The following PTGFRN variants were observed in gnomAD, a reference collection of about 807,000 sequenced individuals.
PTGFRN encodes the protein prostaglandin F2 receptor negative regulator.
Under a neutral mutation model 83.2 loss-of-function variants are expected in PTGFRN, and 35 were observed. The ratio of observed to expected loss-of-function variants is 0.42; its 90% CI spans 0.32 to 0.56. PTGFRN has a LOEUF of 0.56. Among genes scored for constraint, PTGFRN ranks in the 20% least tolerant of loss-of-function variants. The pLI is 0.11. For synonymous variants in PTGFRN, 519 were observed against 498.6 expected (o/e 1.04, Z -0.55); for missense variants, 1,051 against 1,179.5 (o/e 0.89, Z 1.60).
Position 116,958,840 on chromosome 1 carries a change from A to G in PTGFRN, c.1214-2403A>G, listed in dbSNP as rs79669524. Among the ~76,000 whole-genome samples the G allele has an allele frequency of 6.6e-6, 1 of 152,292 alleles. No individual in the cohort carries two copies. The highest frequency in any genetic ancestry group is 1.9e-4 in the East Asian group (1 of 5,174). Reference sequence around the variant, plus strand: ...GCCTCACAGTTTGCTGTTCAGGGTTATGGTTCTCCAGTCCCCACACAGTCT... The same window carrying G: ...GCCTCACAGTTTGCTGTTCAGGGTTGTGGTTCTCCAGTCCCCACACAGTCT... On this transcript the variant is annotated intron_variant, in intron 4 of 8. Coordinates refer to ENST00000393203, the MANE Select transcript of PTGFRN (RefSeq NM_020440.4). The surrounding 1 kb of genome is among the most constrained non-coding windows in gnomAD (Gnocchi z 4.9).
intron 3 of PTGFRN, among the ~76,000 whole-genome samples, chr1:116,947,895 T>A (rs1001379800): frequency 6.6e-6 from 1 of 152,188 alleles, no homozygotes; most frequent in Non-Finnish European, 1.5e-5. Context: ...AAATTGAACT[T>A]TTAAATTGCC....
intron 4 of PTGFRN, among the ~76,000 whole-genome samples, chr1:116,953,768 T>G (rs1650407807): frequency 1.3e-5 from 2 of 151,988 alleles, no homozygotes; most frequent in Admixed American, 6.6e-5. Flanking sequence ...CCAGCCCTTT[T>G]CATCCCTCTC....
intron 1 of PTGFRN, among the ~76,000 whole-genome samples, chr1:116,936,724 T>C (rs1429162170): frequency 6.6e-6 from 1 of 152,154 alleles, no homozygotes; most frequent in East Asian, 1.9e-4. Flanking sequence ...GGGAGAACAG[T>C]TGGAGATGAA....
rs555594470 is a variant in PTGFRN at position 116,958,455 on chromosome 1, G to T, written c.1214-2788G>T. Among the ~76,000 whole-genome samples, 8 of 152,148 alleles carry T rather than the reference G, an allele frequency of 5.3e-5. No homozygotes were observed. The highest frequency in any genetic ancestry group is 8.8e-5 in the Non-Finnish European group (6 of 68,036). The stretch of plus-strand genomic sequence containing the variant: ...GAAAGGTGGTAGAAGACAGGGCTCC[G>T]TTCCCATCTGCCACTTTTGAACTGT... On this transcript the variant is annotated intron_variant, in intron 4 of 8. Transcript: ENST00000393203. The surrounding 1 kb of genome is among the most constrained non-coding windows in gnomAD (Gnocchi z 4.9).
At chr1:116,938,222 A>G (rs1194261735) in intron 1 of PTGFRN, among the ~76,000 whole-genome samples, 1 of 152,194 alleles carries the variant, frequency 6.6e-6, no homozygotes, top group East Asian at 1.9e-4. Flanking sequence ...AAGAAACATA[A>G]GTAGGCTGGG....
chr1:116,975,765 G>A (rs1306969473), intron 7 of PTGFRN, among the ~76,000 whole-genome samples: 1 of 152,128 alleles, frequency 6.6e-6, no homozygotes. Flanking sequence ...CAACCACAAA[G>A]ATGGGGAAAA....
intron 1 of PTGFRN, among the ~76,000 whole-genome samples, chr1:116,927,718 T>A (rs2101055407): frequency 6.6e-6 from 1 of 151,848 alleles, no homozygotes; most frequent in African/African-American, 2.4e-5. Context: ...TTTTTTTTTT[T>A]TATAGAGACG....
At chr1:116,910,676 G>T (rs1318052645) in intron 1 of PTGFRN, among the ~76,000 whole-genome samples, 1 of 152,128 alleles carries the variant, frequency 6.6e-6, no homozygotes, top group Non-Finnish European at 1.5e-5. Context: ...CCCCGCCATA[G>T]CCGCCGCCGG....
chr1:116,954,090 T>G (rs1400589300), intron 4 of PTGFRN, among the ~76,000 whole-genome samples: 1 of 152,050 alleles, frequency 6.6e-6, no homozygotes, highest in African/African-American at 2.4e-5. Flanking sequence ...ACTCCTGACT[T>G]CAGGTGATCC....
intron 6 of PTGFRN, among the ~76,000 whole-genome samples, chr1:116,970,193 TCA>T (rs1279790675): frequency 6.6e-6 from 1 of 152,222 alleles, no homozygotes; most frequent in Non-Finnish European, 1.5e-5. Context: ...GGGAAAGCGT[TCA>T]GTCTCATTCA....
chr1:116,961,830 C>T lies in PTGFRN; in HGVS notation c.1639+162C>T, dbSNP rs1034651429. 2.6e-5 allele frequency among the ~76,000 whole-genome samples: 4 copies of T among 152,208 alleles called. No homozygotes were observed. Among genetic ancestry groups the T allele is most frequent in the Non-Finnish European group, 2.9e-5 (2 of 68,028 alleles). On this transcript the variant is annotated intron_variant, in intron 5 of 8. Transcript: ENST00000393203. The surrounding 1 kb of genome is among the most constrained non-coding windows in gnomAD (Gnocchi z 5.4). ...ACCCGTTGCACATGCTCTTTGGACT[C>T]ACTATCACCCCTCCTCTGTCCCCAA...
intron 3 of PTGFRN, 22 bp downstream of exon 3, chr1:116,945,114 A>AT (rs1557738957): frequency 5.7e-6 from 9 of 1,583,496 alleles, no homozygotes; most frequent in Middle Eastern, 1.7e-4. Flanking sequence ...ACGATGCGTT[A>AT]TAGGTGATGT....
At position 116,952,243 on chromosome 1, in the gene PTGFRN, C is replaced by G. The variant is rs764943152; in HGVS notation, c.1213+2671C>G. Among the ~76,000 whole-genome samples the G allele has an allele frequency of 7.9e-5, 12 of 152,050 alleles. No homozygotes were observed. The highest frequency in any genetic ancestry group is 1.8e-4 in the Non-Finnish European group (12 of 68,016). ...GCATAGTCCTAAGAGCTGGGTAGTT[C>G]TTGTCTTCATTTGCTTGGGGCTTGT... On this transcript the variant is annotated intron_variant, in intron 4 of 8. Coordinates refer to ENST00000393203, the MANE Select transcript of PTGFRN (RefSeq NM_020440.4). The surrounding 1 kb of genome is among the most constrained non-coding windows in gnomAD (Gnocchi z 4.0).
chr1:116,932,725 T>C (rs1253229306), intron 1 of PTGFRN, among the ~76,000 whole-genome samples: 1 of 152,212 alleles, frequency 6.6e-6, no homozygotes, highest in African/African-American at 2.4e-5. Context: ...CCATTGCCCA[T>C]GGAGAATATG....
intron 5 of PTGFRN, among the ~76,000 whole-genome samples, chr1:116,966,234 C>G (rs576031307): frequency 3.9e-5 from 6 of 152,366 alleles, no homozygotes; most frequent in African/African-American, 1.4e-4. Flanking sequence ...GAGTAATCCA[C>G]TTAAACCTAA....
rs776376962 is a variant in PTGFRN at position 116,945,058 on chromosome 1, C to G, written c.798C>G (p.Ala266=). 2.1e-5 allele frequency: 34 copies of G among 1,613,238 alleles called. No individual in the cohort carries two copies. The highest frequency in any genetic ancestry group is 2.8e-5 in the Non-Finnish European group (33 of 1,179,774). ...ACTGGCAGGAAATCCAAGAAAAGGC[C>G]GTGGAAGTTGCCACCGTGGTGATCC... ...QGNWQEIQEK[A]VEVATVVIQP... is the part of the protein sequence containing the mutation. The change falls in exon 3 of 9, where the codon GCC becomes GCG. Residue 266 remains alanine, a synonymous_variant. Coordinates refer to ENST00000393203, the MANE Select transcript of PTGFRN (RefSeq NM_020440.4).
intron 7 of PTGFRN, among the ~76,000 whole-genome samples, chr1:116,982,134 T>G (rs954749679): frequency 6.6e-6 from 1 of 152,166 alleles, no homozygotes; most frequent in African/African-American, 2.4e-5. Flanking sequence ...AGGAAAATCC[T>G]TTTCAAAAGT....
intron 1 of PTGFRN, among the ~76,000 whole-genome samples, chr1:116,933,753 A>G (rs1649854763): frequency 6.6e-6 from 1 of 152,100 alleles, no homozygotes; most frequent in Non-Finnish European, 1.5e-5. Flanking sequence ...TAAAGATGTC[A>G]TTCTGTGGTC....
chr1:116,949,086 T>C, intron 3 of PTGFRN, 106 bp from the exon 4 acceptor site: 1 of 1,397,238 alleles, frequency 7.2e-7, no homozygotes, highest in East Asian at 2.3e-5. Flanking sequence ...CTTCTAACTT[T>C]AATGCTGTAA....
Sources: allele counts gnomAD v4.1 joint callset (sites outside exome capture counted in the v4.1 genomes callset), GRCh38; gene constraint gnomAD v4.1.1; non-coding constraint Gnocchi (gnomAD v3.1); transcripts MANE v1.5; gene names NCBI Gene and HGNC (gene_info 2026-07-23, HGNC 2026-07-21).